SOX5: variants seen among roughly 807,000 people sequenced by gnomAD.
SOX5 encodes transcription factor SOX-5.
Under a neutral mutation model 92.0 loss-of-function variants are expected in SOX5, and 9 were observed. The ratio of observed to expected loss-of-function variants is 0.10; its 90% CI spans 0.06 to 0.17. The LOEUF is 0.17. Among genes scored for constraint, SOX5 ranks in the 10% least tolerant of loss-of-function variants. SOX5 has a pLI of 1.00. For synonymous variants in SOX5, 344 were observed against 336.3 expected (o/e 1.02, Z -0.25); for missense variants, 642 against 944.5 (o/e 0.68, Z 4.20).
In SOX5 at chr12:24,355,437, G is replaced by C. The variant is rs562788741; in HGVS notation, c.-174+13126C>G. 2.0e-5 allele frequency among the ~76,000 whole-genome samples: 3 copies of C among 151,668 alleles called. No individual in the cohort carries two copies. In the East Asian group the frequency reaches 5.8e-4, roughly 29 times the overall value. ...ATTCTCCTGCCTCAGCCGGTGAGGG[G>C]TGCATCTTCTACAAACAGATGCTGG... is the stretch of plus-strand genomic sequence containing the variant. On this transcript the variant is annotated intron_variant, in intron 2 of 4. Transcript: ENST00000446891.
intron 2 of SOX5, among the ~76,000 whole-genome samples, chr12:24,361,090 G>T (rs1329494241): frequency 6.6e-6 from 1 of 152,118 alleles, no homozygotes; most frequent in East Asian, 1.9e-4. Context: ...GTATCGACCA[G>T]CACATTCCTT....
intron 2 of SOX5, among the ~76,000 whole-genome samples, chr12:24,328,971 G>A (rs1230774539): frequency 1.3e-5 from 2 of 152,032 alleles, no homozygotes; most frequent in Non-Finnish European, 2.9e-5. Context: ...ATTTCTATTG[G>A]TATTACATTT....
chr12:24,549,335 C>A (rs1952934017), intron 1 of SOX5, among the ~76,000 whole-genome samples: 2 of 152,282 alleles, frequency 1.3e-5, no homozygotes, highest in South Asian at 4.1e-4. Flanking sequence ...TTCCACACAC[C>A]ACTGAATCTC....
At chr12:24,262,945 C>T (rs73058496) in intron 3 of SOX5, among the ~76,000 whole-genome samples, 34 of 152,174 alleles carry the variant, frequency 2.2e-4, no homozygotes, top group Non-Finnish European at 3.4e-4. Context: ...TACTGGGCTG[C>T]GCGCAGTGGC....
At chr12:24,028,474 A>G (rs7307316) in intron 4 of SOX5, among the ~76,000 whole-genome samples, 10,984 of 152,048 alleles carry the variant, frequency 0.072, 555 homozygotes, top group Non-Finnish European at 0.11. Context: ...CCATATATTG[A>G]TTGTCCCATA....
intron 4 of SOX5, among the ~76,000 whole-genome samples, chr12:24,152,977 T>G (rs374276118): frequency 2.0e-5 from 3 of 151,956 alleles, no homozygotes; most frequent in Non-Finnish European, 2.9e-5. Flanking sequence ...GCTCGAAGAC[T>G]CTGATGAGTT....
intron 1 of SOX5, among the ~76,000 whole-genome samples, chr12:23,916,839 C>T (rs2097422561): frequency 6.6e-6 from 1 of 152,062 alleles, no homozygotes; most frequent in East Asian, 1.9e-4. Context: ...ATATTTTTAC[C>T]AACTCATCTG....
intron 3 of SOX5, among the ~76,000 whole-genome samples, chr12:23,838,928 C>A (rs552629023): frequency 2.6e-5 from 4 of 151,666 alleles, no homozygotes; most frequent in Non-Finnish European, 4.4e-5. Flanking sequence ...CAACCTCCAC[C>A]TCCGGGGTTC....
intron 9 of SOX5, among the ~76,000 whole-genome samples, chr12:23,577,191 A>ATATCTTTTTTT (rs71059907): frequency 1.6e-5 from 1 of 61,390 alleles, no homozygotes; most frequent in Non-Finnish European, 3.2e-5. Flanking sequence ...ATATATATAT[A>ATATCTTTTTTT]TTTTTTTTTT....
At chr12:24,207,666 G>A (rs1958156703) in intron 4 of SOX5, among the ~76,000 whole-genome samples, 1 of 152,162 alleles carries the variant, frequency 6.6e-6, no homozygotes, top group South Asian at 2.1e-4. Context: ...AGTTTGTAAA[G>A]CAGCAAAGCT....
intron 2 of SOX5, among the ~76,000 whole-genome samples, chr12:23,882,625 G>A (rs986317803): frequency 6.6e-6 from 1 of 152,096 alleles, no homozygotes. Context: ...AGAGCAATTG[G>A]GCTGAGAGGA....
chr12:23,608,115 G>GAAAAA (rs772255622), intron 8 of SOX5, among the ~76,000 whole-genome samples: 9 of 44,064 alleles, frequency 2.0e-4, no homozygotes, highest in East Asian at 8.1e-4. Flanking sequence ...AAAGAAAAAA[G>GAAAAA]AAAAAAAAAA....
intron 4 of SOX5, among the ~76,000 whole-genome samples, chr12:24,010,067 C>T (rs563108680): frequency 2.0e-4 from 30 of 152,274 alleles, no homozygotes; most frequent in Admixed American, 6.5e-4. Context: ...CAGTTTCCAT[C>T]AGTAGAAATA....
Position 23,575,794 on chromosome 12 carries a change from G to A in SOX5, c.1209C>T (p.Thr403=). 2 of 1,606,988 alleles carry A rather than the reference G, an allele frequency of 1.2e-6. No individual in the cohort carries two copies. Among genetic ancestry groups the A allele is most frequent in the South Asian group, 1.1e-5 (1 of 89,942 alleles). The stretch of plus-strand genomic sequence containing the variant: ...GTGATGTGGGTGATTTGCCATCAGA[G>A]GTCTTGGGTTTAGCTGATAGGTTCA... ...QPLNLSAKPK[T]SDGKSPTSPT... The change falls in exon 10 of 15, where the codon ACC becomes ACT. Residue 403 remains threonine (T), a synonymous_variant. Transcript: ENST00000451604.
At chr12:23,946,599 T>C (rs975805893) in intron 1 of SOX5, among the ~76,000 whole-genome samples, 6 of 152,026 alleles carry the variant, frequency 3.9e-5, no homozygotes, top group African/African-American at 1.4e-4. Flanking sequence ...CATTATCTAC[T>C]TTCAGTTAAA....
chr12:23,891,642 G>A lies in SOX5; in HGVS notation c.270+4151C>T, dbSNP rs376165976. 8.6e-4 allele frequency among the ~76,000 whole-genome samples: 131 copies of A among 151,832 alleles called. 1 individual carries two copies. The highest frequency in any genetic ancestry group is 3.4e-3 in the Middle Eastern group (1 of 292). Reference sequence around the variant, plus strand: ...CTTAAATTGAACTCTATGATATAAAGACTATGAAGCATTCTCTGTTTTCAA... The same window carrying A: ...CTTAAATTGAACTCTATGATATAAAAACTATGAAGCATTCTCTGTTTTCAA... On this transcript the variant is annotated intron_variant, in intron 2 of 14. Coordinates refer to ENST00000451604, the MANE Select transcript of SOX5 (RefSeq NM_006940.6).
At chr12:24,275,579 C>T (rs1944342714) in intron 3 of SOX5, among the ~76,000 whole-genome samples, 1 of 151,984 alleles carries the variant, frequency 6.6e-6, no homozygotes, top group East Asian at 1.9e-4. Flanking sequence ...TTTATTTAGC[C>T]ACTGCTCTAC....
chr12:24,258,951 A>G (rs1941668920), intron 3 of SOX5, among the ~76,000 whole-genome samples: 1 of 152,194 alleles, frequency 6.6e-6, no homozygotes. Context: ...GGTGAGCCCA[A>G]AGGCTCCATC....
chr12:23,968,970 T>G (rs1046231766), intron 4 of SOX5, among the ~76,000 whole-genome samples: 1 of 152,214 alleles, frequency 6.6e-6, no homozygotes, highest in African/African-American at 2.4e-5. Flanking sequence ...AAATTTTATA[T>G]GTCTTCGTGG....
Sources: allele counts gnomAD v4.1 joint callset (sites outside exome capture counted in the v4.1 genomes callset), GRCh38; gene constraint gnomAD v4.1.1; transcripts MANE v1.5; gene names NCBI Gene and HGNC (gene_info 2026-07-23, HGNC 2026-07-21).